Variants in BBS9 observed in about 807,000 individuals in gnomAD.
The protein encoded by BBS9 is protein PTHB1.
A neutral mutation model predicts 117.7 loss-of-function variants in BBS9; 89 were observed. That is an observed-to-expected ratio of 0.76 (90% CI 0.64 to 0.90). The LOEUF (loss-of-function observed/expected upper bound fraction) is 0.90, where lower values mean the gene tolerates loss of function less well. Among genes scored for constraint, BBS9 ranks in the 40% least tolerant of loss-of-function variants. The pLI, the probability that BBS9 is intolerant of heterozygous loss-of-function variation, is 0.00. For synonymous variants in BBS9, 379 were observed against 370.9 expected, an observed-to-expected ratio of 1.02 and a Z score of -0.25; for missense variants, 982 against 1,042.2, an observed-to-expected ratio of 0.94 and a Z score of 0.80.
chr7:33,216,653 A>G (rs547821912), intron 5 of BBS9, among the ~76,000 whole-genome samples: 1 of 152,200 alleles, frequency 6.6e-6, no homozygotes, highest in Non-Finnish European at 1.5e-5. Context: ...TCACATAGTC[A>G]TAGTTTGTGG....
At chr7:33,390,067 TTTTTG>T (rs1170526444) in intron 19 of BBS9, among the ~76,000 whole-genome samples, 2 of 152,174 alleles carry the variant, frequency 1.3e-5, no homozygotes, top group African/African-American at 4.8e-5. Context: ...TTTAGTACTC[TTTTTG>T]TTTTGTTTTG....
chr7:33,264,197 G>T, intron 6 of BBS9, 93 bp from the exon 7 acceptor site: 2 of 632,376 alleles, frequency 3.2e-6, no homozygotes, highest in Non-Finnish European at 4.8e-6. Flanking sequence ...GCTTTATAAA[G>T]TTTATAGATT....
At chr7:33,452,494 G>A (rs1321107488) in intron 19 of BBS9, among the ~76,000 whole-genome samples, 1 of 152,068 alleles carries the variant, frequency 6.6e-6, no homozygotes, top group Non-Finnish European at 1.5e-5. Flanking sequence ...TGCCTTTAAT[G>A]TCTTTCTAGC....
chr7:33,369,593 AT>A, intron 17 of BBS9, among the ~76,000 whole-genome samples: 1 of 152,200 alleles, frequency 6.6e-6, no homozygotes, highest in Non-Finnish European at 1.5e-5. Context: ...TGAAACCTGA[AT>A]AATAGTCATT....
At chr7:33,457,851 A>ACC in intron 19 of BBS9, among the ~76,000 whole-genome samples, 1 of 152,310 alleles carries the variant, frequency 6.6e-6, no homozygotes, top group East Asian at 1.9e-4. Context: ...CAATGCTCTT[A>ACC]AAGTGCCCAT....
intron 5 of BBS9, among the ~76,000 whole-genome samples, chr7:33,243,328 A>G (rs1428126228): frequency 6.6e-6 from 1 of 152,232 alleles, no homozygotes; most frequent in Non-Finnish European, 1.5e-5. Flanking sequence ...ATTGGAATAC[A>G]CAAGGAGTGT....
At chr7:33,505,357 A>G in intron 19 of BBS9, 106 bp from the exon 20 acceptor site, 1 of 1,059,558 alleles carries the variant, frequency 9.4e-7, no homozygotes, top group Non-Finnish European at 1.5e-6. Context: ...TGGAAGACAA[A>G]GTTCATCAAG....
At chr7:33,546,672 A>G (rs574392880) in intron 21 of BBS9, among the ~76,000 whole-genome samples, 5 of 152,288 alleles carry the variant, frequency 3.3e-5, no homozygotes, top group Admixed American at 2.0e-4. Context: ...TCAAGTTTCT[A>G]TGCTTTTAAA....
At chr7:33,226,332 C>G (rs572411965) in intron 5 of BBS9, among the ~76,000 whole-genome samples, 1 of 152,106 alleles carries the variant, frequency 6.6e-6, no homozygotes, top group South Asian at 2.1e-4. Context: ...AACAAATACA[C>G]AGGTCTACTT....
At chr7:33,359,400 C>G (rs1005801136) in intron 16 of BBS9, among the ~76,000 whole-genome samples, 1 of 151,942 alleles carries the variant, frequency 6.6e-6, no homozygotes, top group South Asian at 2.1e-4. Context: ...ATAGTGTGTA[C>G]TAAAGAAAGC....
chr7:33,262,428 G>A (rs1409959457), intron 6 of BBS9, among the ~76,000 whole-genome samples: 3 of 152,166 alleles, frequency 2.0e-5, no homozygotes, highest in Admixed American at 6.5e-5. Context: ...TAGATCCATA[G>A]CAGGACAAGC....
chr7:33,574,684 AACACACACACACACACACACAC>A (rs371229936), intron 21 of BBS9, among the ~76,000 whole-genome samples: 2 of 137,568 alleles, frequency 1.5e-5, no homozygotes, highest in Admixed American at 1.5e-4. Context: ...AGTCATAGAA[AACACACACACACACACACACAC>A]ACACACACAC....
At chr7:33,307,182 A>T (rs904220684) in intron 9 of BBS9, among the ~76,000 whole-genome samples, 1 of 152,194 alleles carries the variant, frequency 6.6e-6, no homozygotes, top group Non-Finnish European at 1.5e-5. Context: ...AGTAACAAAA[A>T]TAAGATTTTC....
chr7:33,388,177 C>T lies in BBS9; in HGVS notation c.2115+33C>T, dbSNP rs1251160702. On this transcript the variant is annotated intron_variant, in intron 19 of 22. Transcript: ENST00000242067. ...TAATATCAGTAACAGTTTTCTATTA[C>T]TGGCTATACTTTTTTTTGTCACCCT... 4 of 1,609,484 alleles carry T rather than the reference C, an allele frequency of 2.5e-6. No homozygotes were observed. In the Admixed American group the frequency reaches 5.0e-5, roughly 20 times the overall value.
intron 20 of BBS9, among the ~76,000 whole-genome samples, chr7:33,518,171 T>A (rs74672199): frequency 6.6e-6 from 1 of 151,856 alleles, no homozygotes; most frequent in Non-Finnish European, 1.5e-5. Context: ...CTAAAACAAA[T>A]AATTACTAAA....
chr7:33,243,304 A>AT (rs1794834232), intron 5 of BBS9, among the ~76,000 whole-genome samples: 1 of 152,238 alleles, frequency 6.6e-6, no homozygotes, highest in Non-Finnish European at 1.5e-5. Flanking sequence ...TTGAAAGCTG[A>AT]TTTAGAAATA....
chr7:33,199,893 A>C (rs1412199334), intron 5 of BBS9, among the ~76,000 whole-genome samples: 2 of 152,164 alleles, frequency 1.3e-5, no homozygotes, highest in East Asian at 3.9e-4. Context: ...AGAAACATTC[A>C]AAATAACTTT....
chr7:33,494,019 T>C (rs900422865), intron 19 of BBS9, among the ~76,000 whole-genome samples: 1 of 152,234 alleles, frequency 6.6e-6, no homozygotes, highest in East Asian at 1.9e-4. Flanking sequence ...CTGGAGATAC[T>C]AGTAGCCTAA....
chr7:33,179,674 GTAA>G (rs1797829230), intron 5 of BBS9, among the ~76,000 whole-genome samples: 1 of 152,064 alleles, frequency 6.6e-6, no homozygotes, highest in Non-Finnish European at 1.5e-5. Context: ...ATATTACAAT[GTAA>G]TAATAATAGA....
Sources: gnomAD v4.1 joint callset for allele counts (sites outside exome capture counted in the v4.1 genomes callset) on GRCh38, gnomAD v4.1.1 for gene constraint, MANE v1.5 for transcripts, NCBI Gene and HGNC (gene_info 2026-07-23, HGNC 2026-07-21) for gene names.